Variants in IQGAP3 observed in about 807,000 individuals in gnomAD.
IQGAP3 encodes the protein ras GTPase-activating-like protein IQGAP3.
In IQGAP3, 165 loss-of-function variants were observed where a neutral mutation model predicts 208.2. That is an observed-to-expected ratio of 0.79 (90% confidence interval 0.70 to 0.90). The LOEUF (loss-of-function observed/expected upper bound fraction) is 0.90. Among genes scored for constraint, IQGAP3 ranks in the 40% least tolerant of loss-of-function variants. IQGAP3 has a pLI of 0.00. For missense variants in IQGAP3, 1,811 were observed against 2,043.1 expected (o/e 0.89, Z 2.19); for synonymous variants, 703 against 803.6 (o/e 0.87, Z 2.12).
At chr1:156,531,048 T>A (rs933235501) in intron 33 of IQGAP3, 112 bp downstream of exon 33, 6 of 784,532 alleles carry the variant, frequency 7.6e-6, no homozygotes, top group Non-Finnish European at 1.4e-5. Context: ...AGCACAGGTG[T>A]CTGCTTCTGG....
In IQGAP3 at chr1:156,534,514, G is replaced by A; in HGVS notation, c.3727C>T (p.His1243Tyr). 1 of 1,573,162 alleles carries A rather than the reference G, an allele frequency of 6.4e-7. No individual in the cohort carries two copies. Among genetic ancestry groups the A allele is most frequent in the Non-Finnish European group, 8.6e-7 (1 of 1,159,844 alleles). The part of the protein sequence containing the change: ...RVLNDYLEET[H>Y]LKFRKFIHRA... ...GGGACCCAAGACCTGAACTTGAGGT[G>A]TGTTTCCTCCAGATAGTCATTCAGG... Residue 1243 changes from histidine (H) to tyrosine (Y), a missense_variant, in exon 29 of 38, where the codon CAC becomes TAC. Physicochemically the swap from His to Tyr is moderately conservative, Grantham distance 83. Coordinates refer to ENST00000361170, the MANE Select transcript of IQGAP3 (RefSeq NM_178229.5).
rs1396440403 is a variant in IQGAP3 at position 156,539,483 on chromosome 1, T to A, written c.2947A>T (p.Thr983Ser). The change falls in exon 25 of 38, where the codon ACC (threonine) becomes TCC (serine). Residue 983 changes from threonine to serine, a missense_variant. Transcript: ENST00000361170. ...AAAATCACTGCCTCCATGAACTTGG[T>A]GGTTTTGTTCTGTGGCATCTGAAAG... ...LIFQMPQNKT[T>S]KFMEAVIFSL... 1 of 1,614,022 alleles carries A rather than the reference T, an allele frequency of 6.2e-7. No homozygotes were observed. Among genetic ancestry groups the A allele is most frequent in the Non-Finnish European group, 8.5e-7 (1 of 1,179,992 alleles).
rs958689151 is a variant in IQGAP3 at position 156,541,017 on chromosome 1, G to A, written c.2531-101C>T. 1.2e-5 allele frequency: 11 copies of A among 887,436 alleles called. No homozygotes were observed. In the South Asian group the frequency reaches 1.5e-4, roughly 12 times the overall value. The allele number at this position is 887,436 out of a possible 1,614,324, so 55.0% of individuals were successfully genotyped here. A position where few individuals can be genotyped will look rare whatever the true frequency, so the allele number is the denominator to read the frequency against. ...GCCCACCCCAGTCCCCGTTCTGCTT[G>A]GGATCAGCAGGTCCCCAACCCCAGT... On this transcript the variant is annotated intron_variant, in intron 22 of 37. Coordinates refer to ENST00000361170, the MANE Select transcript of IQGAP3 (RefSeq NM_178229.5).
rs35609151 is a variant in IQGAP3, at chr1:156,539,429, G to A, written c.3001C>T (p.Arg1001Ter). ...FSLYNYASSR[R>*]EAYLLLQLFK... ...AGCTGGAGCAGGAGATAGGCCTCTC[G>A]GCGGCTGGAGGCATAGTTGTACAGG... Residue 1001 changes from arginine to a stop codon, truncating the protein, a stop_gained, in exon 25 of 38, where the codon CGA becomes TGA. Coordinates refer to ENST00000361170, the MANE Select transcript of IQGAP3 (RefSeq NM_178229.5). LOFTEE classifies it high-confidence loss of function. 201 of 1,613,940 alleles carry A rather than the reference G, an allele frequency of 1.2e-4. No individual in the cohort carries two copies. Among genetic ancestry groups the A allele is most frequent in the Non-Finnish European group, 1.6e-4 (192 of 1,179,994 alleles).
chr1:156,542,880 G>T (rs1453491641), intron 22 of IQGAP3, among the ~76,000 whole-genome samples: 4 of 152,100 alleles, frequency 2.6e-5, no homozygotes, highest in Non-Finnish European at 4.4e-5. Context: ...GGTTGAGGCT[G>T]CAGTGAGCCG....
chr1:156,561,237 C>T (rs113885046), intron 10 of IQGAP3, among the ~76,000 whole-genome samples: 4,341 of 151,952 alleles, frequency 0.029, 202 homozygotes, highest in African/African-American at 0.1. Context: ...GGCACAATCT[C>T]GGCTCACGGC....
chr1:156,530,390 G>A (rs1674335144), intron 33 of IQGAP3, 73 bp from the exon 34 acceptor site: 8 of 1,328,408 alleles, frequency 6.0e-6, no homozygotes, highest in South Asian at 5.0e-5. Context: ...AAGGTCCCAT[G>A]GGCACCAGCA....
At chr1:156,532,882 AG>A in intron 32 of IQGAP3, 97 bp downstream of exon 32, 2 of 1,330,446 alleles carry the variant, frequency 1.5e-6, no homozygotes, top group Non-Finnish European at 2.1e-6. Flanking sequence ...AAGGGAGCCC[AG>A]GAAGAAGGTG....
chr1:156,551,705 C>T lies in IQGAP3; in HGVS notation c.1734G>A (p.Gln578=), dbSNP rs1675553751. The T allele has an allele frequency of 2.5e-6, 4 of 1,608,706 alleles. No individual in the cohort carries two copies. Among genetic ancestry groups the T allele is most frequent in the Non-Finnish European group, 3.4e-6 (4 of 1,177,944 alleles). ...LLVAAKRQKA[Q]VTGDPGAVLW... ...CCAACCCAACCAGCCCTAACTTCACCTGGGCCTTCTGCCTTTTGGCTGCCA... is the reference window on the plus strand; with the variant it reads ...CCAACCCAACCAGCCCTAACTTCACTTGGGCCTTCTGCCTTTTGGCTGCCA... The change falls in exon 15 of 38, where the codon CAG becomes CAA. Residue 578 remains glutamine (Q), a splice_region_variant and synonymous_variant. Transcript: ENST00000361170.
Position 156,548,730 on chromosome 1 carries a change from G to A in IQGAP3, c.1844C>T (p.Ala615Val). 6.3e-7 allele frequency: 1 copy of A among 1,579,564 alleles called. No individual in the cohort carries two copies. The highest frequency in any genetic ancestry group is 1.4e-5 in the African/African-American group (1 of 74,024). The stretch of plus-strand genomic sequence containing the variant: ...GCCCTCCTTGATGGCTTGATTGATG[G>A]CAGCCACACCAAGAGCCACTGACAG... ...TAQRMALGVA[A>V]INQAIKEGKA... The change falls in exon 17 of 38, where the codon GCC (alanine) becomes GTC (valine). Residue 615 changes from alanine (A) to valine (V), a missense_variant. Transcript: ENST00000361170.
At chr1:156,561,675 C>A (rs1676155129) in intron 10 of IQGAP3, among the ~76,000 whole-genome samples, 163 bp downstream of exon 10, 2 of 152,180 alleles carry the variant, frequency 1.3e-5, no homozygotes, top group South Asian at 2.1e-4. Context: ...GGGACAGAAG[C>A]TGATCAATCT....
chr1:156,534,422 T>A, intron 29 of IQGAP3, 79 bp downstream of exon 29: 1 of 1,133,584 alleles, frequency 8.8e-7, no homozygotes, highest in Non-Finnish European at 1.3e-6. Flanking sequence ...CTTGTCCTCA[T>A]GGATTCTGGA....
chr1:156,565,396 G>C (rs1356913278), intron 4 of IQGAP3, among the ~76,000 whole-genome samples: 1 of 152,176 alleles, frequency 6.6e-6, no homozygotes, highest in Non-Finnish European at 1.5e-5. Flanking sequence ...TCCCATCGAA[G>C]TGTCTTTACT....
At chr1:156,544,703 C>T (rs1456311692) in intron 19 of IQGAP3, among the ~76,000 whole-genome samples, 6 of 152,128 alleles carry the variant, frequency 3.9e-5, no homozygotes, top group East Asian at 1.9e-4. Flanking sequence ...CCAGAACAAA[C>T]ACCCACATAC....
At position 156,531,154 on chromosome 1, in the gene IQGAP3, A is replaced by G. The variant is rs774844145; in HGVS notation, c.4191+6T>C. ...ACAGAACCTGTGGGCCAGCCCGGCT[A>G]CTCACTTGCTCTCTGGAAGCCGAGA... is the stretch of plus-strand genomic sequence containing the variant. On this transcript the variant is annotated splice_donor_region_variant and intron_variant, in intron 33 of 37. Transcript: ENST00000361170. The G allele has an allele frequency of 2.5e-6, 4 of 1,603,416 alleles. No individual in the cohort carries two copies. In the South Asian group the frequency reaches 4.4e-5, roughly 18 times the overall value.
intron 26 of IQGAP3, among the ~76,000 whole-genome samples, chr1:156,538,116 A>G (rs775254896): frequency 7.9e-5 from 12 of 152,078 alleles, no homozygotes; most frequent in Non-Finnish European, 1.5e-4. Context: ...CCTGGAGTGC[A>G]GTGGCACGAT....
rs973228960 is a variant in IQGAP3 at position 156,539,871 on chromosome 1, T to C, written c.2859A>G (p.Leu953=). ...GGTAGAAGAGGTGTTGGTATGCTTCTAGTTTCTGCCGTTTCTCTTTGCTCA... is the reference window on the plus strand; with the variant it reads ...GGTAGAAGAGGTGTTGGTATGCTTCCAGTTTCTGCCGTTTCTCTTTGCTCA... ...KSLSKEKRQK[L]EAYQHLFYLL... is the part of the protein sequence containing the mutation. The change falls in exon 24 of 38, where the codon CTA becomes CTG. Residue 953 remains leucine (L), a synonymous_variant. Transcript: ENST00000361170. The C allele has an allele frequency of 1.2e-6, 2 of 1,614,086 alleles. No individual in the cohort carries two copies. The highest frequency in any genetic ancestry group is 1.3e-5 in the African/African-American group (1 of 74,924).
Position 156,566,462 on chromosome 1 carries a change from C to G in IQGAP3, c.210G>C (p.Lys70Asn). ...CGGAGGGTGCAAAACAGTGGCCTAG[C>G]TTGGCCAGCAGCACTCCATTCCGAA... ...ESLRNGVLLA[K>N]LGHCFAPSVV... The change falls in exon 3 of 38, where the codon AAG becomes AAC. Residue 70 changes from lysine (K) to asparagine (N), a missense_variant. By Grantham distance (94) the Lys-to-Asn change is moderately conservative. Coordinates refer to ENST00000361170, the MANE Select transcript of IQGAP3 (RefSeq NM_178229.5). 2 of 1,614,150 alleles carry G rather than the reference C, an allele frequency of 1.2e-6. 1 individual carries two copies. Among genetic ancestry groups the G allele is most frequent in the South Asian group, 2.2e-5 (2 of 91,082 alleles).
Position 156,533,141 on chromosome 1 carries a change from A to G in IQGAP3, c.3977-35T>C, listed in dbSNP as rs746376966. ...GGTGAGGAATGAGAGGGAGACAGGCATACACACACACATGCGCACACACAC... is the reference window on the plus strand; with the variant it reads ...GGTGAGGAATGAGAGGGAGACAGGCGTACACACACACATGCGCACACACAC... On this transcript the variant is annotated intron_variant, in intron 31 of 37. Transcript: ENST00000361170. The G allele has an allele frequency of 9.3e-6, 15 of 1,612,386 alleles. No individual in the cohort carries two copies. In the African/African-American group the frequency reaches 1.7e-4, roughly 19 times the overall value.
Sources: gnomAD v4.1 joint callset for allele counts (sites outside exome capture counted in the v4.1 genomes callset) on GRCh38, gnomAD v4.1.1 for gene constraint, MANE v1.5 for transcripts, NCBI Gene and HGNC (gene_info 2026-07-23, HGNC 2026-07-21) for gene names.